Variants in TAOK1 observed in about 807,000 individuals in gnomAD.
TAOK1 encodes the protein TAO kinase 1, also known as serine/threonine-protein kinase TAO1.
Under a neutral mutation model 138.3 loss-of-function variants are expected in TAOK1, and 21 were observed. The ratio of observed to expected loss-of-function variants is 0.15; its 90% CI spans 0.11 to 0.22. TAOK1 has a LOEUF of 0.22. Ranked by LOEUF, TAOK1 falls within the 10% of genes least tolerant of loss-of-function variation. The probability of loss-of-function intolerance (pLI) is 1.00; values close to 1 mark genes in which losing one functional copy is unlikely to be tolerated. For missense variants in TAOK1, 651 were observed against 1,227.7 expected (o/e 0.53, Z 7.02); for synonymous variants, 361 against 398.4 (o/e 0.91, Z 1.12).
Position 29,437,734 on chromosome 17 carries a change from CT to C in TAOK1, c.-94-13704del, listed in dbSNP as rs11447325. Reference sequence around the variant, plus strand: ...CCTTTTGAACTGCCTTTATATTCTTCTTTTTTTTTTTTTTTTTGAGATGGAG... The same window carrying C: ...CCTTTTGAACTGCCTTTATATTCTTCTTTTTTTTTTTTTTTTGAGATGGAG... On this transcript the variant is annotated intron_variant, in intron 1 of 19. Transcript: ENST00000261716. 1.1e-3 allele frequency among the ~76,000 whole-genome samples: 135 copies of C among 124,188 alleles called. 2 individuals are homozygous for C. The highest frequency in any genetic ancestry group is 7.2e-3 in the South Asian group (29 of 4,036). 81.5% of individuals were successfully genotyped at this position (124,188 alleles called of 152,430 possible).
At chr17:29,428,676 C>T (rs1371261034) in intron 1 of TAOK1, among the ~76,000 whole-genome samples, 1 of 152,082 alleles carries the variant, frequency 6.6e-6, no homozygotes, top group East Asian at 1.9e-4. Flanking sequence ...GGCTGTTACT[C>T]AGGCTGGAGT....
intron 8 of TAOK1, among the ~76,000 whole-genome samples, 184 bp from the exon 9 acceptor site, chr17:29,489,480 A>C (rs2031250365): frequency 6.6e-6 from 1 of 152,188 alleles, no homozygotes; most frequent in Admixed American, 6.5e-5. Context: ...CCTGGGTGAC[A>C]GAGCAAGACC....
At chr17:29,448,065 GCTTT>G (rs2030140451) in intron 1 of TAOK1, among the ~76,000 whole-genome samples, 1 of 143,820 alleles carries the variant, frequency 7.0e-6, no homozygotes, top group Non-Finnish European at 1.5e-5. Flanking sequence ...TTCCTCTCAA[GCTTT>G]CTTTTTTATA....
At chr17:29,415,167 G>C (rs974320318) in intron 1 of TAOK1, among the ~76,000 whole-genome samples, 1 of 151,834 alleles carries the variant, frequency 6.6e-6, no homozygotes, top group Non-Finnish European at 1.5e-5. Context: ...ACGGGGTTTC[G>C]TCATGTTCCC....
rs2150780523 is a variant in TAOK1 at position 29,544,445 on chromosome 17, T to G, written c.*1423T>G. On this transcript the variant is annotated 3_prime_UTR_variant, in exon 20 of 20. Transcript: ENST00000261716. ...TTCCACAAGTCTCAAGCCTCAGTGC[T>G]AAAGTACTACTGAAAAGGAACTAGG... 6.6e-6 allele frequency: 1 copy of G among 152,612 alleles called. No individual in the cohort carries two copies. The highest frequency in any genetic ancestry group is 2.4e-5 in the African/African-American group (1 of 41,502). 9.5% of individuals were successfully genotyped at this position (152,612 alleles called of 1,614,324 possible). A position where few individuals can be genotyped will look rare whatever the true frequency, so the allele number is the denominator to read the frequency against.
chr17:29,491,425 T>A (rs914342934), intron 9 of TAOK1, among the ~76,000 whole-genome samples: 1 of 151,838 alleles, frequency 6.6e-6, no homozygotes, highest in South Asian at 2.1e-4. Context: ...GAGCTTATTA[T>A]AAGAAAGGCT....
intron 18 of TAOK1, among the ~76,000 whole-genome samples, chr17:29,533,810 C>A (rs1016866527): frequency 3.8e-4 from 2 of 5,314 alleles, no homozygotes; most frequent in African/African-American, 1.2e-3. Flanking sequence ...AGCTTCGGCT[C>A]GGCATCAGAG....
intron 19 of TAOK1, among the ~76,000 whole-genome samples, chr17:29,534,610 G>A (rs1367318032): frequency 6.6e-6 from 1 of 152,192 alleles, no homozygotes; most frequent in Non-Finnish European, 1.5e-5. Context: ...TCACTTCTGT[G>A]TTCCTAGCTT....
chr17:29,415,248 G>A (rs1005039877), intron 1 of TAOK1, among the ~76,000 whole-genome samples: 1 of 151,826 alleles, frequency 6.6e-6, no homozygotes, highest in East Asian at 1.9e-4. Flanking sequence ...GATTACAGGC[G>A]GTGAGCCACC....
intron 12 of TAOK1, among the ~76,000 whole-genome samples, chr17:29,501,901 G>C (rs1371726290): frequency 6.6e-6 from 1 of 152,092 alleles, no homozygotes; most frequent in Non-Finnish European, 1.5e-5. Flanking sequence ...GCTGGGCATG[G>C]TAGTGCATGC....
chr17:29,483,462 A>G (rs2057207727), intron 8 of TAOK1, among the ~76,000 whole-genome samples: 2 of 152,126 alleles, frequency 1.3e-5, no homozygotes, highest in South Asian at 4.1e-4. Context: ...ATCATTATCT[A>G]CTCGAGTTTG....
intron 19 of TAOK1, among the ~76,000 whole-genome samples, chr17:29,540,720 G>A (rs2032301571): frequency 6.6e-6 from 1 of 152,124 alleles, no homozygotes; most frequent in African/African-American, 2.4e-5. Flanking sequence ...ACAGGCATGT[G>A]CCACCACGCC....
chr17:29,493,310 C>T (rs937299945), intron 10 of TAOK1, among the ~76,000 whole-genome samples: 5 of 151,808 alleles, frequency 3.3e-5, no homozygotes, highest in Admixed American at 1.3e-4. Flanking sequence ...GCCTGAGCAA[C>T]GTGGAGAAAC....
rs12603897 is a variant in TAOK1 at position 29,515,955 on chromosome 17, T to G, written c.1705-1498T>G. ...TTTATTTTAATTTTTATGTATGTATTTATTTATTTATTTATTTTGAGACGG... is the reference window on the plus strand; with the variant it reads ...TTTATTTTAATTTTTATGTATGTATGTATTTATTTATTTATTTTGAGACGG... On this transcript the variant is annotated intron_variant, in intron 15 of 19. Transcript: ENST00000261716. Among the ~76,000 whole-genome samples, 3,717 of 151,946 alleles carry G rather than the reference T, an allele frequency of 0.024. 273 individuals are homozygous for G. In the East Asian group the frequency reaches 0.3, roughly 12 times the overall value.
chr17:29,404,362 G>A (rs1351967933), intron 1 of TAOK1, among the ~76,000 whole-genome samples: 1 of 151,974 alleles, frequency 6.6e-6, no homozygotes, highest in Admixed American at 6.6e-5. Flanking sequence ...CGGCTTCACC[G>A]TGTTGCCCAG....
intron 1 of TAOK1, among the ~76,000 whole-genome samples, chr17:29,422,406 G>A (rs1295272862): frequency 4.7e-5 from 7 of 149,010 alleles, no homozygotes; most frequent in Non-Finnish European, 8.9e-5. Context: ...TAGAGACTGC[G>A]TTTCATCATG....
intron 1 of TAOK1, among the ~76,000 whole-genome samples, chr17:29,397,831 ATATG>A (rs1335434449): frequency 4.0e-5 from 6 of 151,032 alleles, no homozygotes; most frequent in African/African-American, 1.5e-4. Context: ...ACATGTATAT[ATATG>A]TGTATATATA....
intron 1 of TAOK1, among the ~76,000 whole-genome samples, chr17:29,423,721 C>T (rs2153021980): frequency 6.6e-6 from 1 of 151,538 alleles, no homozygotes; most frequent in African/African-American, 2.4e-5. Context: ...GGTCGGAAAA[C>T]ATACTGTCTG....
At chr17:29,392,215 C>A (rs552393242) in intron 1 of TAOK1, among the ~76,000 whole-genome samples, 25 of 146,428 alleles carry the variant, frequency 1.7e-4, no homozygotes, top group Admixed American at 9.5e-4. Context: ...GACTCCGTTT[C>A]AAAAAAAAAA....
Sources: allele counts gnomAD v4.1 joint callset (sites outside exome capture counted in the v4.1 genomes callset), GRCh38; gene constraint gnomAD v4.1.1; transcripts MANE v1.5; gene names NCBI Gene and HGNC (gene_info 2026-07-23, HGNC 2026-07-21).